Variants in VPS13D observed in about 807,000 individuals in gnomAD.
VPS13D encodes vacuolar protein sorting 13 homolog D, also known as intermembrane lipid transfer protein VPS13D.
Under a neutral mutation model 461.9 loss-of-function variants are expected in VPS13D, and 187 were observed. The ratio of observed to expected loss-of-function variants is 0.40; its 90% CI spans 0.36 to 0.46. The LOEUF (loss-of-function observed/expected upper bound fraction) is 0.46. Ranked by LOEUF, VPS13D falls within the 20% of genes least tolerant of loss-of-function variation. The pLI is 0.60. For missense variants in VPS13D, 4,711 were observed against 5,364.9 expected, an observed-to-expected ratio of 0.88 and a Z score of 3.81; for synonymous variants, 1,951 against 1,986.3, an observed-to-expected ratio of 0.98 and a Z score of 0.47.
At chr1:12,270,201 A>G (rs899234820) in intron 16 of VPS13D, among the ~76,000 whole-genome samples, 3 of 152,018 alleles carry the variant, frequency 2.0e-5, no homozygotes, top group Non-Finnish European at 4.4e-5. Flanking sequence ...TCACACCTGT[A>G]ATCTCAGCAC....
chr1:12,304,621 C>T lies in VPS13D; in HGVS notation c.6332C>T (p.Ala2111Val). 6.2e-7 allele frequency: 1 copy of T among 1,614,064 alleles called. No individual in the cohort carries two copies. Among genetic ancestry groups the T allele is most frequent in the Non-Finnish European group, 8.5e-7 (1 of 1,180,016 alleles). ...CAGGGGCAGTTCACGATGCCTCTTG[C>T]TGGAATGAGCCTAGGAAGCCTGAAG... is the stretch of plus-strand genomic sequence containing the variant. Reference protein sequence around the residue: ...HSQGQFTMPLAGMSLGSLKSE... With the variant: ...HSQGQFTMPLVGMSLGSLKSE... Residue 2111 changes from alanine to valine, a missense_variant, in exon 26 of 70, where the codon GCT (alanine) becomes GTT (valine). Ala to Val is a moderately conservative substitution (Grantham distance 64). Transcript: ENST00000620676.
chr1:12,478,633 C>T (rs1557464678), intron 67 of VPS13D: 1 of 359,456 alleles, frequency 2.8e-6, no homozygotes, highest in Non-Finnish European at 5.5e-6. Context: ...CGTTTCTTTT[C>T]TTCAAACAGC....
chr1:12,465,995 C>T lies in VPS13D; in HGVS notation c.12662+5599C>T, dbSNP rs551079418. Among the ~76,000 whole-genome samples, 152 of 152,126 alleles carry T rather than the reference C, an allele frequency of 1.0e-3. 1 individual carries two copies. Among genetic ancestry groups the T allele is most frequent in the African/African-American group, 3.1e-3 (130 of 41,508 alleles). ...ACTAAAAGTACAAAAATTAGCTGGG[C>T]GTGGTGGTGCGCGCCTGTACTCCCA... On this transcript the variant is annotated intron_variant, in intron 67 of 69. Transcript: ENST00000620676.
In VPS13D at chr1:12,356,007, A is replaced by G; in HGVS notation, c.9788A>G (p.Asn3263Ser). The G allele has an allele frequency of 1.2e-6, 2 of 1,614,086 alleles. No homozygotes were observed. Among genetic ancestry groups the G allele is most frequent in the Non-Finnish European group, 8.5e-7 (1 of 1,179,990 alleles). Reference protein sequence around the residue: ...RLYDVNRRQLNLTIRIVCRAE... With the variant: ...RLYDVNRRQLSLTIRIVCRAE... ...TATGACGTCAACCGTCGGCAGCTGA[A>G]CCTCACCATCCGGATTGTGTGTCGA... Residue 3263 changes from asparagine to serine, a missense_variant, in exon 48 of 70, where the codon AAC becomes AGC. Coordinates refer to ENST00000620676, the MANE Select transcript of VPS13D (RefSeq NM_015378.4).
intron 52 of VPS13D, 28 bp from the exon 53 acceptor site, chr1:12,368,440 T>G: frequency 6.3e-7 from 1 of 1,581,816 alleles, no homozygotes; most frequent in East Asian, 2.3e-5. Flanking sequence ...ACATTTTATG[T>G]AGCCTCTTTT....
In VPS13D at chr1:12,271,052, T is replaced by C; in HGVS notation, c.2031T>C (p.Tyr677=). The C allele has an allele frequency of 1.2e-6, 2 of 1,613,998 alleles. No individual in the cohort carries two copies. Among genetic ancestry groups the C allele is most frequent in the Non-Finnish European group, 1.7e-6 (2 of 1,179,942 alleles). The part of the protein sequence containing the change: ...LRVAEAARRQ[Y]NKLKMQTKAE... ...TGGCTGAAGCTGCCCGAAGACAATATAACAAGCTGAAGATGCAGACCAAGG... is the reference window on the plus strand; with the variant it reads ...TGGCTGAAGCTGCCCGAAGACAATACAACAAGCTGAAGATGCAGACCAAGG... The change falls in exon 17 of 70, where the codon TAT becomes TAC. Residue 677 remains tyrosine, a synonymous_variant. Transcript: ENST00000620676.
At position 12,459,050 on chromosome 1, in the gene VPS13D, C is replaced by T. The variant is rs117618373; in HGVS notation, c.12467-1151C>T. Among the ~76,000 whole-genome samples the T allele has an allele frequency of 2.2e-3, 331 of 152,290 alleles. 10 individuals are homozygous for T. In the East Asian group the frequency reaches 0.056, roughly 26 times the overall value. On this transcript the variant is annotated intron_variant, in intron 66 of 69. Coordinates refer to ENST00000620676, the MANE Select transcript of VPS13D (RefSeq NM_015378.4). ...GCATGCAGTAGCTTTTACCTTATTTCAAGCATCCAGTGGGGTTGGCCAGTC... is the reference window on the plus strand; with the variant it reads ...GCATGCAGTAGCTTTTACCTTATTTTAAGCATCCAGTGGGGTTGGCCAGTC...
intron 27 of VPS13D, among the ~76,000 whole-genome samples, chr1:12,311,111 T>A (rs1030699386): frequency 5.9e-5 from 9 of 151,878 alleles, no homozygotes; most frequent in Admixed American, 2.0e-4. Flanking sequence ...AGATGGGGTT[T>A]CACTATGTTG....
intron 16 of VPS13D, among the ~76,000 whole-genome samples, chr1:12,270,721 G>A (rs1160046682): frequency 6.6e-6 from 1 of 151,802 alleles, no homozygotes; most frequent in Non-Finnish European, 1.5e-5. Context: ...TTACTGATTT[G>A]TTTTTTTCCT....
In VPS13D at chr1:12,459,896, C is replaced by T. The variant is rs544556944; in HGVS notation, c.12467-305C>T. Reference sequence around the variant, plus strand: ...CTCTCCTGATCGTCCGTAGGCTGCCCAAGCTCTGGGATCGAAAAATTGGCC... The same window carrying T: ...CTCTCCTGATCGTCCGTAGGCTGCCTAAGCTCTGGGATCGAAAAATTGGCC... On this transcript the variant is annotated intron_variant, in intron 66 of 69. Coordinates refer to ENST00000620676, the MANE Select transcript of VPS13D (RefSeq NM_015378.4). 7.9e-5 allele frequency among the ~76,000 whole-genome samples: 12 copies of T among 152,084 alleles called. No homozygotes were observed. In the South Asian group the frequency reaches 2.3e-3, roughly 29 times the overall value.
chr1:12,234,520 T>C (rs902522975), intron 2 of VPS13D, among the ~76,000 whole-genome samples, 157 bp downstream of exon 2: 3 of 152,202 alleles, frequency 2.0e-5, no homozygotes, highest in African/African-American at 7.2e-5. Context: ...TTTTCCAGAG[T>C]AACTTAAGTT....
intron 2 of VPS13D, among the ~76,000 whole-genome samples, chr1:12,239,644 C>G (rs1640280596): frequency 1.3e-5 from 2 of 152,336 alleles, no homozygotes; most frequent in African/African-American, 4.8e-5. Context: ...CCAAAACATC[C>G]ATTTCCCCTC....
intron 67 of VPS13D, among the ~76,000 whole-genome samples, chr1:12,470,533 CAT>C (rs775229644): frequency 1.7e-4 from 26 of 152,290 alleles, no homozygotes; most frequent in Non-Finnish European, 3.1e-4. Context: ...TATTCAGATC[CAT>C]CACTTAGTAT....
chr1:12,348,869 A>T lies in VPS13D; in HGVS notation c.9116A>T (p.Glu3039Val). The T allele has an allele frequency of 6.2e-7, 1 of 1,614,144 alleles. No individual in the cohort carries two copies. The highest frequency in any genetic ancestry group is 8.5e-7 in the Non-Finnish European group (1 of 1,180,018). The change falls in exon 45 of 70, where the codon GAA becomes GTA. Residue 3039 changes from glutamate (E) to valine (V), a missense_variant. Glu to Val is a moderately radical substitution (Grantham distance 121, BLOSUM62 -2). Coordinates refer to ENST00000620676, the MANE Select transcript of VPS13D (RefSeq NM_015378.4). ...PVRVVFAVTM[E>V]GSARKVITVR... The stretch of plus-strand genomic sequence containing the variant: ...CGGGTGGTCTTTGCAGTGACTATGG[A>T]AGGCAGTGCACGGAAAGTCATCACT...
intron 65 of VPS13D, among the ~76,000 whole-genome samples, chr1:12,452,120 C>G (rs1192647478): frequency 1.3e-5 from 2 of 152,194 alleles, no homozygotes; most frequent in Non-Finnish European, 2.9e-5. Context: ...AGACAGAAAC[C>G]ACTTCTGATT....
rs752896208 is a variant in VPS13D at position 12,369,695 on chromosome 1, T to A, written c.10801T>A (p.Phe3601Ile). 1.9e-5 allele frequency: 31 copies of A among 1,613,340 alleles called. No individual in the cohort carries two copies. The African/African-American group carries it at 3.1e-4, about 16-fold the overall frequency. The change falls in exon 54 of 70, where the codon TTC becomes ATC. Residue 3601 changes from phenylalanine to isoleucine, a missense_variant. Around this residue, in one of 3 missense-constraint regions of VPS13D, gnomAD observed 4,411 missense variants for 4,937.8 expected, o/e 0.89. Transcript: ENST00000620676. ...NFIYIAATYT[F>I]SGLQEGTGRP... ...CATTTACATTGCTGCTACATATACA[T>A]TCTCTGGGTAATTCTTGATTAAATT...
At position 12,403,834 on chromosome 1, in the gene VPS13D, A is replaced by C; in HGVS notation, c.11891A>C (p.Lys3964Thr). Residue 3964 changes from lysine (K) to threonine (T), a missense_variant, in exon 63 of 70, where the codon AAA becomes ACA. Around this residue, in one of 3 missense-constraint regions of VPS13D, gnomAD observed 4,411 missense variants for 4,937.8 expected, o/e 0.89. Coordinates refer to ENST00000620676, the MANE Select transcript of VPS13D (RefSeq NM_015378.4). Reference sequence around the variant, plus strand: ...TCTTCCTTTGTACCAGAGGTGGAAAAATATGATGAAAACCTCCATGAAAAG... The same window carrying C: ...TCTTCCTTTGTACCAGAGGTGGAAACATATGATGAAAACCTCCATGAAAAG... ...GYDQAESEVE[K>T]YDENLHEKTA... 6.3e-7 allele frequency: 1 copy of C among 1,597,964 alleles called. No homozygotes were observed. Among genetic ancestry groups the C allele is most frequent in the Non-Finnish European group, 8.5e-7 (1 of 1,175,150 alleles).
intron 17 of VPS13D, among the ~76,000 whole-genome samples, chr1:12,271,964 G>A (rs968770451): frequency 2.6e-5 from 4 of 151,696 alleles, no homozygotes; most frequent in African/African-American, 9.7e-5. Context: ...AGCGGAGGTG[G>A]GATGATCGTT....
At position 12,277,337 on chromosome 1, in the gene VPS13D, A is replaced by T. The variant is rs769584725; in HGVS notation, c.3749A>T (p.Asp1250Val). 16 of 1,614,208 alleles carry T rather than the reference A, an allele frequency of 9.9e-6. No individual in the cohort carries two copies. Among genetic ancestry groups the T allele is most frequent in the Non-Finnish European group, 1.3e-5 (15 of 1,180,030 alleles). The change falls in exon 19 of 70, where the codon GAT becomes GTT. Residue 1250 changes from aspartate (D) to valine (V), a missense_variant. This residue lies in a region of VPS13D where 4,411 missense variants were observed against 4,937.8 expected (regional missense o/e 0.89). Transcript: ENST00000620676. ...NSVGYENIIS[D>V]IGYFESVFVR... ...GTAGGCTATGAAAATATCATCAGTG[A>T]TATTGGCTACTTTGAATCTGTGTTT... is the stretch of plus-strand genomic sequence containing the variant.
Sources: allele counts gnomAD v4.1 joint callset (sites outside exome capture counted in the v4.1 genomes callset), GRCh38; gene constraint gnomAD v4.1.1; regional missense constraint gnomAD v4.1.1; transcripts MANE v1.5; gene names NCBI Gene and HGNC (gene_info 2026-07-23, HGNC 2026-07-21).